The following LGSN variants were observed in gnomAD, a reference collection of about 807,000 sequenced individuals.
LGSN encodes the protein lengsin, lens protein with glutamine synthetase domain.
Under a neutral mutation model 19.5 loss-of-function variants are expected in LGSN, and 21 were observed. The observed-to-expected ratio is 1.07, with a 90% CI of 0.76 to 1.55. The LOEUF is 1.55. LGSN is among the 40% of genes most tolerant of loss of function. The probability of loss-of-function intolerance (pLI) is 0.00; values close to 1 mark genes in which losing one functional copy is unlikely to be tolerated. For synonymous variants in LGSN, 257 were observed against 215.6 expected (o/e 1.19, Z -1.68); for missense variants, 673 against 608.5 (o/e 1.11, Z -1.12).
the LGSN span, among the ~76,000 whole-genome samples, chr6:63,358,524 G>C: frequency 1.3e-5 from 2 of 152,068 alleles, no homozygotes; most frequent in African/African-American, 4.8e-5. Context: ...GTGGTTTGTA[G>C]TTCTCCTTGA....
chr6:63,376,548 A>G, the LGSN span, among the ~76,000 whole-genome samples: 1 of 152,170 alleles, frequency 6.6e-6, no homozygotes, highest in Non-Finnish European at 1.5e-5. Context: ...AATAGACTCA[A>G]ACAAATGGCA....
intron 2 of LGSN, among the ~76,000 whole-genome samples, chr6:63,292,358 T>C (rs1263188832): frequency 6.6e-6 from 1 of 152,246 alleles, no homozygotes; most frequent in African/African-American, 2.4e-5. Context: ...GCCCTGTGTG[T>C]ACTAAAGGAT....
chr6:63,298,668 T>A (rs1296324758), intron 1 of LGSN, among the ~76,000 whole-genome samples: 1 of 152,142 alleles, frequency 6.6e-6, no homozygotes, highest in Non-Finnish European at 1.5e-5. Flanking sequence ...TGTATAATTA[T>A]TAGGTCCCAC....
the LGSN span, among the ~76,000 whole-genome samples, chr6:63,394,165 G>A: frequency 6.6e-6 from 1 of 152,186 alleles, no homozygotes; most frequent in Admixed American, 6.5e-5. Context: ...TCAGGAGGCT[G>A]AGGCAAGAGA....
chr6:63,290,169 T>C (rs1243074292), intron 2 of LGSN, among the ~76,000 whole-genome samples: 1 of 152,164 alleles, frequency 6.6e-6, no homozygotes, highest in East Asian at 1.9e-4. Flanking sequence ...AAATTATGTA[T>C]ATGTATTGGT....
At chr6:63,389,100 C>T in the LGSN span, among the ~76,000 whole-genome samples, 2 of 152,126 alleles carry the variant, frequency 1.3e-5, no homozygotes, top group Non-Finnish European at 2.9e-5. Context: ...TATGGCCACC[C>T]CTACGTGTAA....
At chr6:63,306,317 A>T (rs1768383429) in intron 1 of LGSN, among the ~76,000 whole-genome samples, 1 of 152,232 alleles carries the variant, frequency 6.6e-6, no homozygotes, top group Non-Finnish European at 1.5e-5. Flanking sequence ...CTACATCACC[A>T]TAGCTTGATA....
intron 1 of LGSN, among the ~76,000 whole-genome samples, chr6:63,305,304 A>C (rs1768338457): frequency 6.6e-6 from 1 of 152,164 alleles, no homozygotes; most frequent in Non-Finnish European, 1.5e-5. Context: ...GCTATTTCCC[A>C]GTGGAATTTG....
the LGSN span, among the ~76,000 whole-genome samples, chr6:63,459,253 C>A: frequency 6.6e-6 from 1 of 151,986 alleles, no homozygotes; most frequent in South Asian, 2.1e-4. Context: ...TTTTTTTATG[C>A]CGTTTAACTG....
chr6:63,496,937 GT>G, the LGSN span, among the ~76,000 whole-genome samples: 1 of 152,118 alleles, frequency 6.6e-6, no homozygotes, highest in Non-Finnish European at 1.5e-5. Context: ...CCACATGGAT[GT>G]TAAGAGTACA....
At chr6:63,352,789 T>G in the LGSN span, among the ~76,000 whole-genome samples, 1 of 152,100 alleles carries the variant, frequency 6.6e-6, no homozygotes, top group Non-Finnish European at 1.5e-5. Context: ...TCCCCTCACA[T>G]TTCTTGGCCA....
chr6:63,437,909 G>A, the LGSN span, among the ~76,000 whole-genome samples: 1 of 152,104 alleles, frequency 6.6e-6, no homozygotes, highest in Admixed American at 6.6e-5. Flanking sequence ...CAGCCTTGGT[G>A]ACAGAGTGAG....
the LGSN span, among the ~76,000 whole-genome samples, chr6:63,335,705 A>G: frequency 6.6e-6 from 1 of 152,176 alleles, no homozygotes; most frequent in Non-Finnish European, 1.5e-5. Context: ...ACTCTTATAC[A>G]CTGTTAGTGG....
chr6:63,295,058 A>T lies in LGSN; in HGVS notation c.31-13T>A, dbSNP rs1473868262. 4 of 1,609,610 alleles carry T rather than the reference A, an allele frequency of 2.5e-6. No homozygotes were observed. The African/African-American group carries it at 5.4e-5, about 22-fold the overall frequency. ...CTCTTGTTGAGTCCTGTTGATAATT[A>T]ATAAACAAAAAGCCAAATAACAGAT... On this transcript the variant is annotated splice_polypyrimidine_tract_variant and intron_variant, in intron 1 of 3. Coordinates refer to ENST00000370657, the MANE Select transcript of LGSN (RefSeq NM_016571.3).
chr6:63,321,668 A>T (rs770536472), upstream of LGSN, among the ~76,000 whole-genome samples: 1 of 152,198 alleles, frequency 6.6e-6, no homozygotes, highest in Non-Finnish European at 1.5e-5. Flanking sequence ...TGGTATTAGC[A>T]TGATACATAT....
chr6:63,340,838 T>TTTTTTTTGTG, the LGSN span, among the ~76,000 whole-genome samples: 1 of 146,722 alleles, frequency 6.8e-6, no homozygotes, highest in African/African-American at 2.5e-5. Flanking sequence ...TTTTTATGGT[T>TTTTTTTTGTG]TGTGTGTGTG....
the LGSN span, among the ~76,000 whole-genome samples, chr6:63,418,328 C>T: frequency 3.9e-5 from 6 of 152,004 alleles, no homozygotes; most frequent in Admixed American, 2.0e-4. Context: ...TTTGGGAGGC[C>T]GAGGTGGGTG....
chr6:63,571,194 TAC>T, the LGSN span: 3 of 152,188 alleles, frequency 2.0e-5, no homozygotes, highest in South Asian at 2.1e-4. Flanking sequence ...TTATTTTACT[TAC>T]AGAGTTAAGA....
the LGSN span, among the ~76,000 whole-genome samples, chr6:63,434,844 C>G: frequency 2.0e-4 from 30 of 152,160 alleles, no homozygotes; most frequent in African/African-American, 7.2e-4. Context: ...AAACAGCGCA[C>G]AGTGAAGAAA....
Sources: allele counts gnomAD v4.1 joint callset (sites outside exome capture counted in the v4.1 genomes callset), GRCh38; gene constraint gnomAD v4.1.1; transcripts MANE v1.5; gene names NCBI Gene and HGNC (gene_info 2026-07-23, HGNC 2026-07-21).